Variants in NDOR1 observed in about 807,000 individuals in gnomAD.
NDOR1 encodes the protein NADPH-dependent diflavin oxidoreductase 1.
Under a neutral mutation model 67.2 loss-of-function variants are expected in NDOR1, and 61 were observed. That is an observed-to-expected ratio of 0.91 (90% CI 0.74 to 1.12). The LOEUF (loss-of-function observed/expected upper bound fraction) is 1.12, where lower values mean the gene tolerates loss of function less well. NDOR1 is among the 50% of genes most tolerant of loss of function. The pLI, the probability that NDOR1 is intolerant of heterozygous loss-of-function variation, is 0.00. For synonymous variants in NDOR1, 378 were observed against 343.7 expected (o/e 1.10, Z -1.10); for missense variants, 878 against 802.8 (o/e 1.09, Z -1.13).
Position 137,213,678 on chromosome 9 carries a change from G to C in NDOR1, c.312-102G>C. 4 of 1,190,854 alleles carry C rather than the reference G, an allele frequency of 3.4e-6. No individual in the cohort carries two copies. The East Asian group carries it at 7.6e-5, about 23-fold the overall frequency. The allele number at this position is 1,190,854 out of a possible 1,614,324, so 73.8% of individuals were successfully genotyped here. A position where few individuals can be genotyped will look rare whatever the true frequency, so the allele number is the denominator to read the frequency against. ...TCCACCCGAGGGAGGCCCTCCCCAG[G>C]CTCCACTCTTCGCCCGGGCTCCACT... On this transcript the variant is annotated intron_variant, in intron 3 of 13. Coordinates refer to ENST00000684003, the MANE Select transcript of NDOR1 (RefSeq NM_014434.4).
Position 137,215,082 on chromosome 9 carries a change from T to A in NDOR1, c.1066-13T>A. The A allele has an allele frequency of 6.2e-7, 1 of 1,613,546 alleles. No homozygotes were observed. The highest frequency in any genetic ancestry group is 1.1e-5 in the South Asian group (1 of 91,040). ...AGCCACGCTGCAGCCACCCTGAGAC[T>A]CTCTTTGCCTAGGTGCTCTGTGACT... On this transcript the variant is annotated splice_polypyrimidine_tract_variant and intron_variant, in intron 8 of 13. Coordinates refer to ENST00000684003, the MANE Select transcript of NDOR1 (RefSeq NM_014434.4).
Position 137,216,300 on chromosome 9 carries a change from T to A in NDOR1, c.1678T>A (p.Ser560Thr). The A allele has an allele frequency of 6.2e-7, 1 of 1,612,520 alleles. No homozygotes were observed. Among genetic ancestry groups the A allele is most frequent in the South Asian group, 1.1e-5 (1 of 91,092 alleles). ...CGCCAAGTCCATGCCAGCGGACGTC[T>A]CGGAAGCCCTGATGTCCATCTTCCA... is the stretch of plus-strand genomic sequence containing the variant. Reference protein sequence around the residue: ...GNAKSMPADVSEALMSIFQEE... With the variant: ...GNAKSMPADVTEALMSIFQEE... Residue 560 changes from serine to threonine, a missense_variant, in exon 14 of 14, where the codon TCG (serine) becomes ACG (threonine). Transcript: ENST00000684003.
chr9:137,207,710 C>T (rs979024088), intron 2 of NDOR1, among the ~76,000 whole-genome samples: 10 of 152,164 alleles, frequency 6.6e-5, no homozygotes, highest in African/African-American at 2.2e-4. Context: ...CAGATAAAGC[C>T]TGAGAGGGAT....
In NDOR1 at chr9:137,211,489, G is replaced by A. The variant is rs137958072; in HGVS notation, c.214-1013G>A. ...GGACAGACCCAGCCGCATGCCAGTCGAGTGAGGGAAAAGTCACAAGAATGT... is the reference window on the plus strand; with the variant it reads ...GGACAGACCCAGCCGCATGCCAGTCAAGTGAGGGAAAAGTCACAAGAATGT... On this transcript the variant is annotated intron_variant, in intron 2 of 13. Coordinates refer to ENST00000684003, the MANE Select transcript of NDOR1 (RefSeq NM_014434.4). 2.9e-3 allele frequency among the ~76,000 whole-genome samples: 437 copies of A among 152,272 alleles called. 1 individual carries two copies. Among genetic ancestry groups the A allele is most frequent in the African/African-American group, 9.9e-3 (411 of 41,544 alleles).
In NDOR1 at chr9:137,212,724, G is replaced by C. The variant is rs1835323986; in HGVS notation, c.311+125G>C. 1 of 833,386 alleles carries C rather than the reference G, an allele frequency of 1.2e-6. No individual in the cohort carries two copies. Among genetic ancestry groups the C allele is most frequent in the Non-Finnish European group, 2.0e-6 (1 of 504,112 alleles). The allele number at this position is 833,386 out of a possible 1,614,324, so 51.6% of individuals were successfully genotyped here. On this transcript the variant is annotated intron_variant, in intron 3 of 13. Coordinates refer to ENST00000684003, the MANE Select transcript of NDOR1 (RefSeq NM_014434.4). The surrounding 1 kb of genome is among the most constrained non-coding windows in gnomAD (Gnocchi z 4.3). ...TGCGCGCCTCAGGGCCCTCGCAGTG[G>C]TACTGGCTTCTCCACAACGCTCCCT... is the stretch of plus-strand genomic sequence containing the variant.
rs750054866 is a variant in NDOR1 at position 137,214,578 on chromosome 9, C to T, written c.731C>T (p.Ala244Val). ...DILGSGISFAAGDVVLIQPSN... is the reference protein window; with the variant it reads ...DILGSGISFAVGDVVLIQPSN... ...TGGCTTCTTCCACACAGCTTTGCTGCTGGTGATGTGGTGCTGATTCAGCCC... is the reference window on the plus strand; with the variant it reads ...TGGCTTCTTCCACACAGCTTTGCTGTTGGTGATGTGGTGCTGATTCAGCCC... Residue 244 changes from alanine to valine, a missense_variant, in exon 7 of 14, where the codon GCT (alanine) becomes GTT (valine). Transcript: ENST00000684003. 7.3e-5 allele frequency: 118 copies of T among 1,611,448 alleles called. No homozygotes were observed. The highest frequency in any genetic ancestry group is 9.7e-5 in the Non-Finnish European group (115 of 1,179,946).
chr9:137,207,428 CTGGAGACATTGAAG>C (rs957486183), intron 2 of NDOR1, among the ~76,000 whole-genome samples: 1 of 151,866 alleles, frequency 6.6e-6, no homozygotes, highest in African/African-American at 2.4e-5. Flanking sequence ...GGAAGGGAAC[CTGGAGACATTGAAG>C]TGGAGAAGTG....
At position 137,212,230 on chromosome 9, in the gene NDOR1, G is replaced by A. The variant is rs1036919412; in HGVS notation, c.214-272G>A. 2.6e-5 allele frequency among the ~76,000 whole-genome samples: 4 copies of A among 152,192 alleles called. No individual in the cohort carries two copies. Among genetic ancestry groups the A allele is most frequent in the Admixed American group, 2.6e-4 (4 of 15,284 alleles). On this transcript the variant is annotated intron_variant, in intron 2 of 13. Coordinates refer to ENST00000684003, the MANE Select transcript of NDOR1 (RefSeq NM_014434.4). This position sits in a 1 kb window ranked among gnomAD's most constrained non-coding sequence, Gnocchi z 4.3. ...AGGAGGGTGATGTCCCAGGAAGGAA[G>A]CTCCACGCAGGCCTGTAGAGCACAG...
chr9:137,206,246 C>G lies in NDOR1; in HGVS notation c.150C>G (p.Asn50Lys). The change falls in exon 2 of 14, where the codon AAC becomes AAG. Residue 50 changes from asparagine (N) to lysine (K), a missense_variant. Asn to Lys is a moderately conservative substitution (Grantham distance 94). Transcript: ENST00000684003. ...TTTTTGTTGAGGTGAATCTGATTAA[C>G]GAGCCCCTGGTGATATTTGTTTGTG... ...LDSYPVVNLINEPLVIFVCAT... is the reference protein window; with the variant it reads ...LDSYPVVNLIKEPLVIFVCAT... 3 of 1,613,974 alleles carry G rather than the reference C, an allele frequency of 1.9e-6. No individual in the cohort carries two copies. Among genetic ancestry groups the G allele is most frequent in the Non-Finnish European group, 1.7e-6 (2 of 1,179,984 alleles).
At chr9:137,213,746 C>T (rs1290479789) in intron 3 of NDOR1, 34 bp from the exon 4 acceptor site, 1 of 1,601,898 alleles carries the variant, frequency 6.2e-7, no homozygotes, top group East Asian at 2.2e-5. Context: ...TCCGCCCGGG[C>T]TCCAGCCCAG....
In NDOR1 at chr9:137,215,425, C is replaced by A. The variant is rs1835511835; in HGVS notation, c.1192C>A (p.Gln398Lys). The A allele has an allele frequency of 6.2e-7, 1 of 1,613,226 alleles. No homozygotes were observed. The highest frequency in any genetic ancestry group is 1.3e-5 in the African/African-American group (1 of 74,924). ...TCCCCAGACTCACCCCTCACGGCTGCAGATCCTCGTGGCTGTAGTGCAGTT... is the reference window on the plus strand; with the variant it reads ...TCCCCAGACTCACCCCTCACGGCTGAAGATCCTCGTGGCTGTAGTGCAGTT... Reference protein sequence around the residue: ...SSLLTHPSRLQILVAVVQFQT... With the variant: ...SSLLTHPSRLKILVAVVQFQT... Residue 398 changes from glutamine to lysine, a missense_variant, in exon 10 of 14, where the codon CAG (glutamine) becomes AAG (lysine). Coordinates refer to ENST00000684003, the MANE Select transcript of NDOR1 (RefSeq NM_014434.4).
chr9:137,216,013 A>C lies in NDOR1; in HGVS notation c.1550A>C (p.Glu517Ala), dbSNP rs201288404. ...ACCCTCATCCCTGCCTTCTCCCGGGAACAGGTGTGTATGCTCAGGGGCTGG... is the reference window on the plus strand; with the variant it reads ...ACCCTCATCCCTGCCTTCTCCCGGGCACAGGTGTGTATGCTCAGGGGCTGG... Reference protein sequence around the residue: ...CLTLIPAFSREQEQKVYVQHR... With the variant: ...CLTLIPAFSRAQEQKVYVQHR... Residue 517 changes from glutamate to alanine, a missense_variant, in exon 12 of 14, where the codon GAA (glutamate) becomes GCA (alanine). Coordinates refer to ENST00000684003, the MANE Select transcript of NDOR1 (RefSeq NM_014434.4). The C allele has an allele frequency of 5.6e-6, 9 of 1,613,500 alleles. No homozygotes were observed. The East Asian group carries it at 2.0e-4, about 36-fold the overall frequency.
At chr9:137,205,993 G>A in intron 1 of NDOR1, 81 bp downstream of exon 1, 3 of 1,489,902 alleles carry the variant, frequency 2.0e-6, no homozygotes, top group South Asian at 2.6e-5. Flanking sequence ...CCCAAAAGGC[G>A]TCGCATTTTC....
chr9:137,215,969 G>A lies in NDOR1; in HGVS notation c.1506G>A (p.Leu502=), dbSNP rs747967256. 7 of 1,613,360 alleles carry A rather than the reference G, an allele frequency of 4.3e-6. No individual in the cohort carries two copies. The highest frequency in any genetic ancestry group is 4.2e-6 in the Non-Finnish European group (5 of 1,179,998). ...DFYWEAEWQE[L]EKRDCLTLIP... is the part of the protein sequence containing the mutation. Reference sequence around the variant, plus strand: ...ACTGGGAGGCTGAGTGGCAGGAGCTGGAGAAGCGGGACTGTCTGACCCTCA... The same window carrying A: ...ACTGGGAGGCTGAGTGGCAGGAGCTAGAGAAGCGGGACTGTCTGACCCTCA... Residue 502 remains leucine, a synonymous_variant, in exon 12 of 14, where the codon CTG becomes CTA. Transcript: ENST00000684003.
chr9:137,213,589 C>T (rs534527690), intron 3 of NDOR1, among the ~76,000 whole-genome samples, 191 bp from the exon 4 acceptor site: 5 of 151,636 alleles, frequency 3.3e-5, no homozygotes, highest in South Asian at 4.2e-4. Flanking sequence ...GCCCTGGTCT[C>T]GGCAGCCCCT....
At position 137,217,781 on chromosome 9, in the gene NDOR1, T is replaced by G; in HGVS notation, c.*1365T>G. The G allele has an allele frequency of 2.5e-6, 1 of 394,886 alleles. No homozygotes were observed. Among genetic ancestry groups the G allele is most frequent in the Non-Finnish European group, 4.5e-6 (1 of 224,350 alleles). 24.5% of individuals were successfully genotyped at this position (394,886 alleles called of 1,614,324 possible). On this transcript the variant is annotated 3_prime_UTR_variant, in exon 14 of 14. Transcript: ENST00000684003. Reference sequence around the variant, plus strand: ...GGGGTCCCTGTCCTCCTATCCTGACTCCTGCCCCAGGGCCACCACCCCTGA... The same window carrying G: ...GGGGTCCCTGTCCTCCTATCCTGACGCCTGCCCCAGGGCCACCACCCCTGA...
In NDOR1 at chr9:137,212,443, C is replaced by T; in HGVS notation, c.214-59C>T. The T allele has an allele frequency of 6.7e-7, 1 of 1,486,470 alleles. No homozygotes were observed. The allele number at this position is 1,486,470 out of a possible 1,614,324, so 92.1% of individuals were successfully genotyped here. Reference sequence around the variant, plus strand: ...TCCCCTGAGACCCTCCCCTCACCCCCTGCTGTGGGGCTAGCCTAGAGGTCG... The same window carrying T: ...TCCCCTGAGACCCTCCCCTCACCCCTTGCTGTGGGGCTAGCCTAGAGGTCG... On this transcript the variant is annotated intron_variant, in intron 2 of 13. Transcript: ENST00000684003. The surrounding 1 kb of genome is among the most constrained non-coding windows in gnomAD (Gnocchi z 4.3).
rs538445745 is a variant in NDOR1, at chr9:137,214,564, A to G, written c.723-6A>G. ...CCCCACAGCCCTGGTGGCTTCTTCC[A>G]CACAGCTTTGCTGCTGGTGATGTGG... On this transcript the variant is annotated splice_polypyrimidine_tract_variant and splice_region_variant and intron_variant, in intron 6 of 13. Transcript: ENST00000684003. 6.2e-7 allele frequency: 1 copy of G among 1,611,336 alleles called. No individual in the cohort carries two copies. Among genetic ancestry groups the G allele is most frequent in the East Asian group, 2.2e-5 (1 of 44,874 alleles).
At chr9:137,208,816 C>A (rs1835106822) in intron 2 of NDOR1, among the ~76,000 whole-genome samples, 1 of 150,898 alleles carries the variant, frequency 6.6e-6, no homozygotes, top group Non-Finnish European at 1.5e-5. Context: ...AGAGCAAGAC[C>A]CTGTCTCAAA....
Sources: allele counts gnomAD v4.1 joint callset (sites outside exome capture counted in the v4.1 genomes callset), GRCh38; gene constraint gnomAD v4.1.1; non-coding constraint Gnocchi (gnomAD v3.1); transcripts MANE v1.5; gene names NCBI Gene and HGNC (gene_info 2026-07-23, HGNC 2026-07-21).